The following CELF4 variants were observed in gnomAD, a reference collection of about 807,000 sequenced individuals.
CELF4 encodes the protein CUGBP Elav-like family member 4, also known as CUG-BP- and ETR-3-like factor 4.
Under a neutral mutation model 59.9 loss-of-function variants are expected in CELF4, and 18 were observed. That is an observed-to-expected ratio of 0.30 (90% CI 0.21 to 0.45). The LOEUF (loss-of-function observed/expected upper bound fraction) is 0.45. Ranked by LOEUF, CELF4 falls within the 20% of genes least tolerant of loss-of-function variation. CELF4 has a pLI of 1.00. For missense variants in CELF4, 456 were observed against 689.0 expected (o/e 0.66, Z 3.79); for synonymous variants, 261 against 267.1 (o/e 0.98, Z 0.22).
At chr18:37,487,960 C>A (rs934500283) in intron 1 of CELF4, among the ~76,000 whole-genome samples, 43 of 152,242 alleles carry the variant, frequency 2.8e-4, no homozygotes, top group African/African-American at 1.0e-3. Flanking sequence ...TGACCTCCCC[C>A]TGCCGTCTCC....
intron 3 of CELF4, among the ~76,000 whole-genome samples, chr18:37,304,652 C>T (rs549914958): frequency 2.6e-5 from 4 of 152,366 alleles, no homozygotes; most frequent in Admixed American, 6.5e-5. Flanking sequence ...TCTGCTGGGT[C>T]CCCCAGCTCA....
At chr18:37,469,162 G>A (rs1391381367) in intron 2 of CELF4, among the ~76,000 whole-genome samples, 1 of 152,122 alleles carries the variant, frequency 6.6e-6, no homozygotes, top group Non-Finnish European at 1.5e-5. Context: ...CAACACCATT[G>A]GCTCCTTTGG....
At chr18:37,402,477 AC>A (rs1412143497) in intron 2 of CELF4, among the ~76,000 whole-genome samples, 2 of 149,446 alleles carry the variant, frequency 1.3e-5, no homozygotes, top group Non-Finnish European at 3.0e-5. Flanking sequence ...GCCTGGGTGG[AC>A]CCCCCTCTTC....
At chr18:37,277,427 C>A (rs868000583) in intron 3 of CELF4, among the ~76,000 whole-genome samples, 6 of 152,186 alleles carry the variant, frequency 3.9e-5, no homozygotes, top group African/African-American at 1.4e-4. Context: ...GCAGCCCTCC[C>A]CCACTTACTC....
intron 6 of CELF4, chr18:37,274,033 T>A (rs967478788): frequency 1.3e-5 from 17 of 1,283,328 alleles, no homozygotes; most frequent in Non-Finnish European, 1.7e-5. Context: ...AGGAAAAGGC[T>A]CAGGGTAACC....
At chr18:37,510,120 C>A (rs896475999) in intron 1 of CELF4, among the ~76,000 whole-genome samples, 4 of 152,102 alleles carry the variant, frequency 2.6e-5, no homozygotes, top group Non-Finnish European at 5.9e-5. Flanking sequence ...TACTAAATGC[C>A]ACTGAATTGT....
At chr18:37,338,758 C>A (rs1224111611) in intron 2 of CELF4, among the ~76,000 whole-genome samples, 2 of 37,976 alleles carry the variant, frequency 5.3e-5, no homozygotes. Context: ...AATGCAGGAG[C>A]CGTGTGTGTG....
intron 2 of CELF4, among the ~76,000 whole-genome samples, chr18:37,464,016 G>A (rs1443916919): frequency 1.3e-5 from 2 of 152,016 alleles, no homozygotes; most frequent in African/African-American, 2.4e-5. Context: ...CCCTCCTCCT[G>A]ACCCCGAACT....
At chr18:37,522,255 C>G (rs1603643322) in intron 1 of CELF4, among the ~76,000 whole-genome samples, 1 of 152,282 alleles carries the variant, frequency 6.6e-6, no homozygotes, top group South Asian at 2.1e-4. Flanking sequence ...CCCTCTCTCC[C>G]TATCTTATCA....
chr18:37,244,816 A>G lies in CELF4; in HGVS notation c.*426T>C, dbSNP rs1333040052. The G allele has an allele frequency of 6.6e-6, 1 of 152,506 alleles. No individual in the cohort carries two copies. The highest frequency in any genetic ancestry group is 1.5e-5 in the Non-Finnish European group (1 of 68,014). 9.4% of individuals were successfully genotyped at this position (152,506 alleles called of 1,614,324 possible). Reference sequence around the variant, plus strand: ...CCTTGGGGACCAGGCCCCACGCACCACTTGCCCCAGCCTGCGTCAGGCGCC... The same window carrying G: ...CCTTGGGGACCAGGCCCCACGCACCGCTTGCCCCAGCCTGCGTCAGGCGCC... On this transcript the variant is annotated 3_prime_UTR_variant, in exon 13 of 13. Transcript: ENST00000420428.
chr18:37,500,827 C>A (rs1047285918), intron 1 of CELF4, among the ~76,000 whole-genome samples: 2 of 152,166 alleles, frequency 1.3e-5, no homozygotes, highest in Non-Finnish European at 2.9e-5. Flanking sequence ...AGCCACCACA[C>A]CTGGTCATTT....
intron 2 of CELF4, among the ~76,000 whole-genome samples, chr18:37,401,953 ACT>A (rs1295183526): frequency 1.3e-5 from 2 of 151,952 alleles, no homozygotes; most frequent in African/African-American, 4.8e-5. Context: ...CAGGTGCATC[ACT>A]CTCTGGTTAT....
chr18:37,278,416 G>A (rs1241902036), intron 3 of CELF4, among the ~76,000 whole-genome samples: 2 of 152,310 alleles, frequency 1.3e-5, no homozygotes, highest in East Asian at 3.9e-4. Context: ...TGTGGCTTGT[G>A]CGAGTGATTC....
chr18:37,273,060 A>T lies in CELF4; in HGVS notation c.905T>A (p.Leu302His). 6.2e-7 allele frequency: 1 copy of T among 1,612,652 alleles called. No homozygotes were observed. Among genetic ancestry groups the T allele is most frequent in the Non-Finnish European group, 8.5e-7 (1 of 1,179,878 alleles). The change falls in exon 7 of 13, where the codon CTC becomes CAC. Residue 302 changes from leucine (L) to histidine (H), a missense_variant. By Grantham distance (99) the Leu-to-His change is moderately conservative. Transcript: ENST00000420428. The stretch of plus-strand genomic sequence containing the variant: ...TGCGGCCGCCAGGCCATTCATGTTG[A>T]GGGCCGCCATCTGCTGCATCTGGGC... ...AAAQMQQMAA[L>H]NMNGLAAAPM...
intron 2 of CELF4, among the ~76,000 whole-genome samples, chr18:37,470,371 T>C (rs1056872129): frequency 2.0e-5 from 3 of 152,220 alleles, no homozygotes; most frequent in African/African-American, 4.8e-5. Flanking sequence ...GGAAGCACTG[T>C]TGGGTTGTCT....
intron 3 of CELF4, among the ~76,000 whole-genome samples, chr18:37,317,582 A>G (rs1387394809): frequency 6.6e-6 from 1 of 151,476 alleles, no homozygotes; most frequent in Non-Finnish European, 1.5e-5. Flanking sequence ...TGCATCCTAT[A>G]CTCTTCCTGG....
In CELF4 at chr18:37,246,658, A is replaced by G. The variant is rs1485399201; in HGVS notation, c.*45-1461T>C. Among the ~76,000 whole-genome samples the G allele has an allele frequency of 6.6e-6, 1 of 152,146 alleles. No homozygotes were observed. Among genetic ancestry groups the G allele is most frequent in the Non-Finnish European group, 1.5e-5 (1 of 68,034 alleles). On this transcript the variant is annotated intron_variant, in intron 12 of 12. Transcript: ENST00000420428. The surrounding 1 kb of genome is among the most constrained non-coding windows in gnomAD (Gnocchi z 5.3). ...ACTGGAAAAAGACCAGACCTAGGAA[A>G]GTGTCAATTGAAAAAGGCCCCCAAA...
chr18:37,291,349 G>A (rs2095320933), intron 3 of CELF4, among the ~76,000 whole-genome samples: 1 of 152,220 alleles, frequency 6.6e-6, no homozygotes, highest in Non-Finnish European at 1.5e-5. Context: ...AATAGTGACT[G>A]TAACCCATGT....
rs547316619 is a variant in CELF4, at chr18:37,409,025, A to T, written c.369+76500T>A. Among the ~76,000 whole-genome samples the T allele has an allele frequency of 2.0e-5, 3 of 152,274 alleles. No homozygotes were observed. The South Asian group carries it at 6.2e-4, about 32-fold the overall frequency. On this transcript the variant is annotated intron_variant, in intron 2 of 12. Coordinates refer to ENST00000420428, the MANE Select transcript of CELF4 (RefSeq NM_020180.4). ...CGTATGGGTTGACTGAATGACTCCA[A>T]ATGAAGGCTCAGGGTGTGGGGGCAG...
Sources: gnomAD v4.1 joint callset for allele counts (sites outside exome capture counted in the v4.1 genomes callset) on GRCh38, gnomAD v4.1.1 for gene constraint, Gnocchi (gnomAD v3.1) non-coding constraint, MANE v1.5 for transcripts, NCBI Gene and HGNC (gene_info 2026-07-23, HGNC 2026-07-21) for gene names.